NBPF26: variants seen among roughly 807,000 people sequenced by gnomAD.
NBPF26 encodes NBPF family member NBPF26.
A neutral mutation model predicts 119.6 loss-of-function variants in NBPF26; 79 were observed. The observed-to-expected ratio is 0.66, with a 90% CI of 0.55 to 0.80. The LOEUF (loss-of-function observed/expected upper bound fraction) is 0.80. NBPF26 is among the 30% of genes least tolerant of loss of function. The pLI is 0.00. For synonymous variants in NBPF26, 299 were observed against 457.7 expected, an observed-to-expected ratio of 0.65 and a Z score of 4.43; for missense variants, 800 against 1,198.2, an observed-to-expected ratio of 0.67 and a Z score of 4.91.
At chr1:120,791,377 G>A (rs1651492137) in intron 3 of NBPF26, among the ~76,000 whole-genome samples, 1 of 107,672 alleles carries the variant, frequency 9.3e-6, no homozygotes, top group Admixed American at 9.1e-5. Flanking sequence ...ATTCACAATA[G>A]CAAAGAGTTG....
At chr1:120,783,643 T>C (rs1651390541) in intron 2 of NBPF26, among the ~76,000 whole-genome samples, 1 of 108,076 alleles carries the variant, frequency 9.3e-6, no homozygotes, top group Non-Finnish European at 1.7e-5. Context: ...GAACAGTGTA[T>C]TTTGGAGTCA....
downstream of NBPF26, among the ~76,000 whole-genome samples, chr1:120,842,205 T>C (rs1372346368): frequency 2.7e-5 from 3 of 111,564 alleles, no homozygotes; most frequent in East Asian, 6.4e-4. Context: ...AATAAAAACA[T>C]TTCATTTCCA....
chr1:120,765,882 A>G (rs1328300773), intron 2 of NBPF26, among the ~76,000 whole-genome samples: 1 of 114,690 alleles, frequency 8.7e-6, no homozygotes, highest in East Asian at 2.1e-4. Flanking sequence ...ACACAGGAAC[A>G]GAAAACCAAA....
At chr1:120,737,751 G>T (rs1389020347) in intron 1 of NBPF26, among the ~76,000 whole-genome samples, 3 of 125,632 alleles carry the variant, frequency 2.4e-5, no homozygotes, top group Non-Finnish European at 4.9e-5. Flanking sequence ...AATTGGATTA[G>T]CCTGGACTGG....
chr1:120,768,219 G>T (rs1339983161), intron 2 of NBPF26, among the ~76,000 whole-genome samples: 1 of 114,908 alleles, frequency 8.7e-6, no homozygotes, highest in East Asian at 2.1e-4. Flanking sequence ...TCCCAAGATG[G>T]GACCCTTCTA....
At chr1:120,816,636 C>G in exon 14 of NBPF26, 1 of 1,074,174 alleles carries the variant, frequency 9.3e-7, no homozygotes. Context: ...ATGCAGAAGG[C>G]TGAAGAAAAG....
At chr1:120,814,805 AT>A in intron 11 of NBPF26, 23 bp from the exon 12 acceptor site, 2 of 1,269,240 alleles carry the variant, frequency 1.6e-6, no homozygotes, top group Non-Finnish European at 2.2e-6. Context: ...CTACTCTTAA[AT>A]TTTCTCTACC....
At chr1:120,813,440 A>G in intron 10 of NBPF26, among the ~76,000 whole-genome samples, 1 of 127,802 alleles carries the variant, frequency 7.8e-6, no homozygotes. Flanking sequence ...AAGATTTTAA[A>G]AATCTTTCGC....
rs1247741894 is a variant in NBPF26, at chr1:120,813,325, A to G, written c.1775-566A>G. Among the ~76,000 whole-genome samples the G allele has an allele frequency of 8.6e-5, 11 of 128,038 alleles. No individual in the cohort carries two copies. The East Asian group carries it at 2.0e-3, about 23-fold the overall frequency. The allele number at this position is 128,038 out of a possible 152,430, so 84.0% of individuals were successfully genotyped here. A position where few individuals can be genotyped will look rare whatever the true frequency, so the allele number is the denominator to read the frequency against. On this transcript the variant is annotated intron_variant, in intron 10 of 29. Transcript: ENST00000620612. Reference sequence around the variant, plus strand: ...TTTCTAAATTAACACAAACTTTATTAACATTTGGGCATATTTCCTTCATGG... The same window carrying G: ...TTTCTAAATTAACACAAACTTTATTGACATTTGGGCATATTTCCTTCATGG...
At chr1:120,727,523 C>A (rs1434202525) in intron 1 of NBPF26, among the ~76,000 whole-genome samples, 1 of 105,646 alleles carries the variant, frequency 9.5e-6, no homozygotes, top group Non-Finnish European at 1.8e-5. Context: ...ATAATAAATT[C>A]TCCACCTCTC....
chr1:120,733,051 A>AT (rs1234926842), intron 1 of NBPF26, among the ~76,000 whole-genome samples: 2 of 51,964 alleles, frequency 3.8e-5, no homozygotes, highest in East Asian at 4.6e-4. Context: ...GCTGGCATTA[A>AT]TTTTTTGGTA....
chr1:120,765,403 T>C (rs1651180342), intron 2 of NBPF26, among the ~76,000 whole-genome samples: 1 of 63,604 alleles, frequency 1.6e-5, no homozygotes, highest in East Asian at 2.9e-4. Context: ...CTTAGTCTTA[T>C]GCATTTTTTG....
chr1:120,840,728 C>T (rs1454963155), downstream of NBPF26: 23 of 1,196,964 alleles, frequency 1.9e-5, 5 homozygotes, highest in Middle Eastern at 2.8e-4. Flanking sequence ...TATTCCTATT[C>T]TCAAACCATG....
chr1:120,802,371 A>C lies in NBPF26; in HGVS notation c.752-3185A>C, dbSNP rs1174719620. Among the ~76,000 whole-genome samples, 6 of 126,208 alleles carry C rather than the reference A, an allele frequency of 4.8e-5. 1 individual carries two copies. The highest frequency in any genetic ancestry group is 2.2e-4 in the African/African-American group (6 of 26,844). The allele number at this position is 126,208 out of a possible 152,430, so 82.8% of individuals were successfully genotyped here. On this transcript the variant is annotated intron_variant, in intron 4 of 29. Coordinates refer to ENST00000620612, the Ensembl canonical transcript of NBPF26. Reference sequence around the variant, plus strand: ...TCACATCATTCCAAAGCCAAAACACAACAGCAGGACAAGAAGATTTTCAAG... The same window carrying C: ...TCACATCATTCCAAAGCCAAAACACCACAGCAGGACAAGAAGATTTTCAAG...
chr1:120,784,710 A>G (rs1399330008), intron 2 of NBPF26, among the ~76,000 whole-genome samples: 2 of 117,836 alleles, frequency 1.7e-5, no homozygotes, highest in Non-Finnish European at 3.3e-5. Flanking sequence ...TTTACTTAGT[A>G]ATTTTGTTTT....
In NBPF26 at chr1:120,785,130, G is replaced by A. The variant is rs1375055602; in HGVS notation, c.312G>A (p.Ser104=). Residue 104 remains serine, a synonymous_variant, in exon 3 of 30, where the codon TCG becomes TCA. Coordinates refer to ENST00000620612, the Ensembl canonical transcript of NBPF26. ...TTACAGGAGAGGACTGCCAGTACTC[G>A]ACACCTCATCCATGCTTTGTGTCTC... 173 of 1,446,246 alleles carry A rather than the reference G, an allele frequency of 1.2e-4. 34 individuals are homozygous for A. Among genetic ancestry groups the A allele is most frequent in the Non-Finnish European group, 1.4e-4 (148 of 1,082,398 alleles). 89.6% of individuals were successfully genotyped at this position (1,446,246 alleles called of 1,614,324 possible).
chr1:120,820,447 A>AAAATAT (rs1553271997), intron 15 of NBPF26, among the ~76,000 whole-genome samples: 3 of 10,834 alleles, frequency 2.8e-4, no homozygotes, highest in African/African-American at 1.6e-3. Context: ...AAGTATTAAA[A>AAAATAT]ATATATATAT....
intron 15 of NBPF26, 84 bp from the exon 16 acceptor site, chr1:120,822,020 T>G: frequency 7.1e-7 from 1 of 1,401,320 alleles, no homozygotes; most frequent in Non-Finnish European, 9.6e-7. Flanking sequence ...CCATTCTGTC[T>G]CCCATCAGAT....
At chr1:120,833,245 G>A (rs1407557951) in intron 23 of NBPF26, among the ~76,000 whole-genome samples, 1 of 111,316 alleles carries the variant, frequency 9.0e-6, no homozygotes. Context: ...ATATTTTATG[G>A]AAAACTATTG....
Sources: allele counts gnomAD v4.1 joint callset (sites outside exome capture counted in the v4.1 genomes callset), GRCh38; gene constraint gnomAD v4.1.1; transcripts MANE v1.5; gene names NCBI Gene and HGNC (gene_info 2026-07-23, HGNC 2026-07-21).